The following CAMK2B variants were observed in gnomAD, a reference collection of about 807,000 sequenced individuals.
CAMK2B encodes the protein calcium/calmodulin dependent protein kinase II beta.
Under a neutral mutation model 93.7 loss-of-function variants are expected in CAMK2B, and 27 were observed. The ratio of observed to expected loss-of-function variants is 0.29; its 90% CI spans 0.21 to 0.40. CAMK2B has a LOEUF of 0.40. Ranked by LOEUF, CAMK2B falls within the 10% of genes least tolerant of loss-of-function variation. The pLI, the probability that CAMK2B is intolerant of heterozygous loss-of-function variation, is 1.00. For synonymous variants in CAMK2B, 374 were observed against 358.8 expected (o/e 1.04, Z -0.48); for missense variants, 568 against 895.8 (o/e 0.63, Z 4.67).
chr7:44,253,893 T>C (rs2129010047), intron 5 of CAMK2B, among the ~76,000 whole-genome samples: 1 of 149,456 alleles, frequency 6.7e-6, no homozygotes, highest in East Asian at 1.9e-4. Context: ...CTACCATGCC[T>C]GGCCTCAGTT....
At chr7:44,289,331 C>A (rs1196343924) in intron 1 of CAMK2B, among the ~76,000 whole-genome samples, 1 of 152,230 alleles carries the variant, frequency 6.6e-6, no homozygotes, top group African/African-American at 2.4e-5. Flanking sequence ...CCCTGAGCAG[C>A]ATGGCTGGAG....
intron 2 of CAMK2B, among the ~76,000 whole-genome samples, chr7:44,265,371 A>T (rs79085857): frequency 0.056 from 8,543 of 152,234 alleles, 796 homozygotes; most frequent in African/African-American, 0.19. Flanking sequence ...ACTTGTCCCA[A>T]TAAAGTTGAT....
intron 1 of CAMK2B, among the ~76,000 whole-genome samples, chr7:44,293,426 G>A (rs1280873773): frequency 6.6e-6 from 1 of 152,148 alleles, no homozygotes; most frequent in African/African-American, 2.4e-5. Flanking sequence ...ATGGGTTAAC[G>A]TGGTCGTCGT....
chr7:44,268,368 G>A (rs1343953526), intron 2 of CAMK2B, among the ~76,000 whole-genome samples: 1 of 152,216 alleles, frequency 6.6e-6, no homozygotes, highest in Non-Finnish European at 1.5e-5. Flanking sequence ...GCAGATGCTG[G>A]CTGTGGGGGC....
intron 6 of CAMK2B, chr7:44,245,029 T>G (rs1049690647): frequency 2.2e-6 from 1 of 454,156 alleles, no homozygotes; most frequent in African/African-American, 2.0e-5. Context: ...CATGGAGAAG[T>G]TGGACAGAGG....
At chr7:44,283,431 G>A (rs1784260286) in intron 2 of CAMK2B, among the ~76,000 whole-genome samples, 1 of 152,238 alleles carries the variant, frequency 6.6e-6, no homozygotes, top group Non-Finnish European at 1.5e-5. Context: ...CAGGGCTCTG[G>A]AGGCCCGTGA....
intron 1 of CAMK2B, among the ~76,000 whole-genome samples, chr7:44,319,586 C>A (rs997885125): frequency 6.6e-6 from 1 of 152,154 alleles, no homozygotes; most frequent in African/African-American, 2.4e-5. Context: ...CGGCAGGAGT[C>A]CACTTGCACC....
chr7:44,304,237 C>G (rs1165945136), intron 1 of CAMK2B, among the ~76,000 whole-genome samples: 1 of 152,206 alleles, frequency 6.6e-6, no homozygotes, highest in Admixed American at 6.5e-5. Context: ...AGCAATCACA[C>G]TTCTTGGTAT....
At chr7:44,306,847 G>T (rs1027531139) in intron 1 of CAMK2B, among the ~76,000 whole-genome samples, 3 of 147,736 alleles carry the variant, frequency 2.0e-5, no homozygotes, top group African/African-American at 5.0e-5. Flanking sequence ...AATGAGGAGG[G>T]TGTGAGCAGG....
At chr7:44,219,622 C>T (rs2096373108) in intron 23 of CAMK2B, 100 bp from the exon 24 acceptor site, 1 of 182,864 alleles carries the variant, frequency 5.5e-6, no homozygotes, top group South Asian at 1.4e-4. Flanking sequence ...GGGTTAAAGT[C>T]CAGAAAAGGG....
intron 11 of CAMK2B, 101 bp from the exon 12 acceptor site, chr7:44,240,850 T>C: frequency 7.9e-7 from 1 of 1,265,810 alleles, no homozygotes. Flanking sequence ...ATGCTCAGCC[T>C]CATTGTCATG....
intron 2 of CAMK2B, among the ~76,000 whole-genome samples, chr7:44,270,545 T>G (rs990418391): frequency 6.6e-6 from 1 of 152,210 alleles, no homozygotes; most frequent in African/African-American, 2.4e-5. Context: ...GCTCCAGAAC[T>G]CAGGCCCTAC....
Position 44,224,120 on chromosome 7 carries a change from G to T in CAMK2B, c.1597+2396C>A, listed in dbSNP as rs1347947545. Among the ~76,000 whole-genome samples, 1 of 152,268 alleles carries T rather than the reference G, an allele frequency of 6.6e-6. No individual in the cohort carries two copies. Among genetic ancestry groups the T allele is most frequent in the Non-Finnish European group, 1.5e-5 (1 of 68,054 alleles). On this transcript the variant is annotated intron_variant, in intron 20 of 23. Transcript: ENST00000395749. This position sits in a 1 kb window ranked among gnomAD's most constrained non-coding sequence, Gnocchi z 4.4. ...GCGTGAAGTAAACAGAAGAGGAGATGCATGGTCAGAGTTCCAATCAAGAGT... is the reference window on the plus strand; with the variant it reads ...GCGTGAAGTAAACAGAAGAGGAGATTCATGGTCAGAGTTCCAATCAAGAGT...
At position 44,219,430 on chromosome 7, in the gene CAMK2B, G is replaced by A. The variant is rs1444779247; in HGVS notation, c.*95C>T. 7.0e-6 allele frequency: 1 copy of A among 143,322 alleles called. No homozygotes were observed. Among genetic ancestry groups the A allele is most frequent in the East Asian group, 2.1e-4 (1 of 4,652 alleles). 8.9% of individuals were successfully genotyped at this position (143,322 alleles called of 1,614,324 possible). On this transcript the variant is annotated 3_prime_UTR_variant, in exon 24 of 24. Transcript: ENST00000395749. ...AGACACAGGCACCAGGGGAGGGAAC[G>A]AGGCAGACACAAACATGCGACAGGC...
intron 1 of CAMK2B, among the ~76,000 whole-genome samples, chr7:44,302,530 A>T (rs1180023195): frequency 6.6e-6 from 1 of 152,204 alleles, no homozygotes; most frequent in African/African-American, 2.4e-5. Context: ...ATTGAATCCA[A>T]CAATGTATAA....
At chr7:44,272,280 G>A (rs984258390) in intron 2 of CAMK2B, among the ~76,000 whole-genome samples, 2 of 152,144 alleles carry the variant, frequency 1.3e-5, no homozygotes, top group African/African-American at 2.4e-5. Context: ...GATCCTCTGA[G>A]GGCAGCACAA....
intron 1 of CAMK2B, among the ~76,000 whole-genome samples, chr7:44,293,045 G>A (rs933448605): frequency 2.0e-5 from 3 of 151,392 alleles, no homozygotes; most frequent in Non-Finnish European, 3.0e-5. Context: ...TCTCAGCAGA[G>A]TGGTGTGGCT....
chr7:44,229,305 G>T, intron 18 of CAMK2B, 83 bp downstream of exon 18: 1 of 888,542 alleles, frequency 1.1e-6, no homozygotes, highest in Non-Finnish European at 1.7e-6. Context: ...CGCTCAGCCT[G>T]CCCTCGGCTC....
At chr7:44,267,153 C>T (rs2096928045) in intron 2 of CAMK2B, 2 of 152,274 alleles carry the variant, frequency 1.3e-5, no homozygotes, top group African/African-American at 4.8e-5. Flanking sequence ...CTCCAGGGGA[C>T]CTCACCCCAT....
Sources: gnomAD v4.1 joint callset for allele counts (sites outside exome capture counted in the v4.1 genomes callset) on GRCh38, gnomAD v4.1.1 for gene constraint, Gnocchi (gnomAD v3.1) non-coding constraint, MANE v1.5 for transcripts, NCBI Gene and HGNC (gene_info 2026-07-23, HGNC 2026-07-21) for gene names.